SEMA6A: variants seen among roughly 807,000 people sequenced by gnomAD.
SEMA6A encodes semaphorin-6A.
SEMA6A carries 25 observed loss-of-function variants against 96.8 expected under a neutral mutation model. That is an observed-to-expected ratio of 0.26 (90% CI 0.19 to 0.36). SEMA6A has a LOEUF of 0.36. SEMA6A is among the 10% of genes least tolerant of loss of function. The pLI, the probability that SEMA6A is intolerant of heterozygous loss-of-function variation, is 1.00. For synonymous variants in SEMA6A, 612 were observed against 518.0 expected, an observed-to-expected ratio of 1.18 and a Z score of -2.46; for missense variants, 1,363 against 1,323.1, an observed-to-expected ratio of 1.03 and a Z score of -0.47.
At chr5:116,550,306 A>G (rs962370053) in intron 1 of SEMA6A, 3 of 152,186 alleles carry the variant, frequency 2.0e-5, no homozygotes, top group African/African-American at 7.2e-5. Flanking sequence ...TATTTTAAGA[A>G]AGGAGAGATT....
intron 3 of SEMA6A, among the ~76,000 whole-genome samples, chr5:116,497,793 TTCA>T (rs140305344): frequency 0.015 from 2,240 of 152,286 alleles, 63 homozygotes; most frequent in African/African-American, 0.052. Context: ...GCCACATCTG[TTCA>T]TCAAGAGGGC....
intron 17 of SEMA6A, chr5:116,469,012 T>C (rs1222378871): frequency 1.3e-5 from 2 of 152,186 alleles, no homozygotes; most frequent in African/African-American, 4.8e-5. Context: ...GACTGTAATA[T>C]TGCAAATTAG....
At chr5:116,487,995 T>A (rs1757140228) in intron 9 of SEMA6A, 113 bp downstream of exon 9, 1 of 640,368 alleles carries the variant, frequency 1.6e-6, no homozygotes, top group Admixed American at 3.0e-5. Flanking sequence ...CAGACCGCAC[T>A]CTGTTATTAG....
intron 1 of SEMA6A, among the ~76,000 whole-genome samples, chr5:116,569,513 G>A (rs1032619906): frequency 1.3e-5 from 2 of 151,456 alleles, no homozygotes; most frequent in Non-Finnish European, 2.9e-5. Context: ...ATCTGGTTTA[G>A]TTTAAAAAAA....
Position 116,447,472 on chromosome 5 carries a change from G to A in SEMA6A, c.2234C>T (p.Ala745Val), listed in dbSNP as rs1754306034. Residue 745 changes from alanine (A) to valine (V), a missense_variant, in exon 19 of 19, where the codon GCA becomes GTA. Physicochemically the swap from Ala to Val is moderately conservative, Grantham distance 64 (BLOSUM62 0). Around this residue, in one of 2 missense-constraint regions of SEMA6A, gnomAD observed 883 missense variants for 763.6 expected, o/e 1.16. Coordinates refer to ENST00000343348, the MANE Select transcript of SEMA6A (RefSeq NM_020796.5). Reference sequence around the variant, plus strand: ...CGTCAGGTCCAGGTGGTGCTGGTCTGCTTTAATGAGCATCTTGGCCGTGTT... The same window carrying A: ...CGTCAGGTCCAGGTGGTGCTGGTCTACTTTAATGAGCATCTTGGCCGTGTT... Reference protein sequence around the residue: ...PGNTAKMLIKADQHHLDLTAL... With the variant: ...PGNTAKMLIKVDQHHLDLTAL... 6.2e-7 allele frequency: 1 copy of A among 1,614,104 alleles called. No homozygotes were observed. The highest frequency in any genetic ancestry group is 8.5e-7 in the Non-Finnish European group (1 of 1,179,914).
intron 10 of SEMA6A, among the ~76,000 whole-genome samples, chr5:116,484,563 G>C (rs1321684876): frequency 6.6e-6 from 1 of 152,076 alleles, no homozygotes; most frequent in African/African-American, 2.4e-5. Flanking sequence ...GGCGGAGGTT[G>C]CAGCGAGTAG....
rs1366334005 is a variant in SEMA6A, at chr5:116,477,944, C to T, written c.1569-18G>A. ...TACAGGTTCTGCAGGAAGAGGATGA[C>T]CATGAGCTACCTAGGACTGTTTCCT... On this transcript the variant is annotated intron_variant, in intron 14 of 18. Transcript: ENST00000343348. 6.2e-7 allele frequency: 1 copy of T among 1,613,816 alleles called. No homozygotes were observed. Among genetic ancestry groups the T allele is most frequent in the African/African-American group, 1.3e-5 (1 of 74,918 alleles).
At chr5:116,568,328 CAG>C (rs1391846527) in intron 1 of SEMA6A, among the ~76,000 whole-genome samples, 5 of 152,104 alleles carry the variant, frequency 3.3e-5, no homozygotes, top group Non-Finnish European at 7.3e-5. Context: ...AATGCAGCCA[CAG>C]AGAAGTTAAG....
intron 1 of SEMA6A, among the ~76,000 whole-genome samples, chr5:116,564,548 GCTGTGTTCTGCATCACACGTGAAGCACAT>G: frequency 6.6e-6 from 1 of 152,322 alleles, no homozygotes; most frequent in African/African-American, 2.4e-5. Context: ...CCAGAAGCAA[GCTGTGTTCTGCATCACACGTGAAGCACAT>G]AAATCGCCAG....
chr5:116,556,569 T>C (rs1208302224), intron 1 of SEMA6A, among the ~76,000 whole-genome samples: 1 of 152,210 alleles, frequency 6.6e-6, no homozygotes. Flanking sequence ...AGATGATGAA[T>C]ATGAGGCACA....
chr5:116,444,514 C>G lies in SEMA6A; in HGVS notation c.*2099G>C, dbSNP rs1302539523. 1 of 152,448 alleles carries G rather than the reference C, an allele frequency of 6.6e-6. No homozygotes were observed. Among genetic ancestry groups the G allele is most frequent in the Non-Finnish European group, 1.5e-5 (1 of 68,000 alleles). 9.4% of individuals were successfully genotyped at this position (152,448 alleles called of 1,614,324 possible). A position where few individuals can be genotyped will look rare whatever the true frequency, so the allele number is the denominator to read the frequency against. ...CCAAATATACTGTTTAAAAAAACAA[C>G]AACAACACTGCTCATGGTTTACAGT... On this transcript the variant is annotated 3_prime_UTR_variant, in exon 19 of 19. Coordinates refer to ENST00000343348, the MANE Select transcript of SEMA6A (RefSeq NM_020796.5).
intron 15 of SEMA6A, among the ~76,000 whole-genome samples, chr5:116,475,977 T>G (rs941075672): frequency 8.5e-5 from 13 of 152,178 alleles, no homozygotes; most frequent in African/African-American, 2.9e-4. Context: ...AAGAAAAATC[T>G]TTTTTTCTCT....
intron 1 of SEMA6A, among the ~76,000 whole-genome samples, chr5:116,523,668 G>A (rs1178887495): frequency 1.3e-5 from 2 of 152,116 alleles, no homozygotes; most frequent in African/African-American, 4.8e-5. Context: ...GTATAGACCA[G>A]TGCTTTCCAA....
chr5:116,452,144 T>C (rs1259680134), intron 18 of SEMA6A, among the ~76,000 whole-genome samples: 1 of 152,202 alleles, frequency 6.6e-6, no homozygotes, highest in Admixed American at 6.5e-5. Flanking sequence ...CAGAGTTGGC[T>C]TCTCTACCCT....
At chr5:116,497,619 G>A (rs1414610860) in intron 3 of SEMA6A, among the ~76,000 whole-genome samples, 1 of 152,258 alleles carries the variant, frequency 6.6e-6, no homozygotes, top group Middle Eastern at 3.4e-3. Context: ...AAACTTTCCT[G>A]TATTAGCTCT....
chr5:116,484,560 G>A (rs1326307177), intron 10 of SEMA6A, among the ~76,000 whole-genome samples: 1 of 152,050 alleles, frequency 6.6e-6, no homozygotes, highest in Non-Finnish European at 1.5e-5. Context: ...GGAGGCGGAG[G>A]TTGCAGCGAG....
At chr5:116,469,918 T>A (rs1210008485) in intron 17 of SEMA6A, among the ~76,000 whole-genome samples, 1 of 152,214 alleles carries the variant, frequency 6.6e-6, no homozygotes, top group Non-Finnish European at 1.5e-5. Context: ...CTTCTTCCTA[T>A]CACTGAAGTG....
chr5:116,447,231 G>A lies in SEMA6A; in HGVS notation c.2475C>T (p.Tyr825=). The A allele has an allele frequency of 6.2e-7, 1 of 1,614,046 alleles. No individual in the cohort carries two copies. Among genetic ancestry groups the A allele is most frequent in the Non-Finnish European group, 8.5e-7 (1 of 1,179,904 alleles). The stretch of plus-strand genomic sequence containing the variant: ...TGGGCTGGTCCACGTACTCATGCTG[G>A]TAGCCCTGCTGCGTGATGGGCAGGA... ...VVVLPITQQG[Y]QHEYVDQPKM... Residue 825 remains tyrosine, a synonymous_variant, in exon 19 of 19, where the codon TAC becomes TAT. Transcript: ENST00000343348.
At chr5:116,472,485 T>C (rs945776831) in intron 17 of SEMA6A, 1 of 164,770 alleles carries the variant, frequency 6.1e-6, no homozygotes, top group Non-Finnish European at 1.3e-5. Context: ...GCAGAGGGTA[T>C]TGTCCTGAGT....
Sources: allele counts gnomAD v4.1 joint callset (sites outside exome capture counted in the v4.1 genomes callset), GRCh38; gene constraint gnomAD v4.1.1; regional missense constraint gnomAD v4.1.1; transcripts MANE v1.5; gene names NCBI Gene and HGNC (gene_info 2026-07-23, HGNC 2026-07-21).